Variants in PCDH11Y observed in about 807,000 individuals in gnomAD.
The protein encoded by PCDH11Y is protocadherin-11 Y-linked.
For missense variants in PCDH11Y, 12 were observed against 224.8 expected (o/e 0.05, Z 6.05); for synonymous variants, 9 against 83.6 (o/e 0.11, Z 4.87).
chrY:5,642,122 A>T, intron 4 of PCDH11Y, among the ~76,000 whole-genome samples: 1 of 33,011 alleles, frequency 3.0e-5, no homozygotes, highest in Non-Finnish European at 7.5e-5. Flanking sequence ...CATCACTTGG[A>T]TGAAATGTAT....
chrY:5,063,699 T>C, intron 1 of PCDH11Y, among the ~76,000 whole-genome samples: 1 of 32,837 alleles, frequency 3.0e-5, no homozygotes, highest in Non-Finnish European at 7.5e-5. Context: ...TGCAGGTAGA[T>C]GTCACTGGAG....
intron 4 of PCDH11Y, among the ~76,000 whole-genome samples, chrY:5,603,497 T>C: frequency 3.0e-5 from 1 of 33,218 alleles, no homozygotes; most frequent in Non-Finnish European, 7.4e-5. Flanking sequence ...CTTGCATTTA[T>C]TGTGATGAAG....
At chrY:5,287,960 T>TA (rs2053062407) in intron 2 of PCDH11Y, among the ~76,000 whole-genome samples, 1 of 32,766 alleles carries the variant, frequency 3.1e-5, no homozygotes, top group Admixed American at 2.8e-4. Context: ...AAATAAAAAT[T>TA]AAAAAAATTC....
intron 4 of PCDH11Y, among the ~76,000 whole-genome samples, chrY:5,673,325 AAAG>A (rs2053551194): frequency 4.5e-5 from 1 of 22,420 alleles, no homozygotes; most frequent in African/African-American, 1.8e-4. Flanking sequence ...CTCTATCTGC[AAAG>A]AAGAGTTAAC....
intron 3 of PCDH11Y, among the ~76,000 whole-genome samples, chrY:5,508,676 C>A: frequency 3.0e-5 from 1 of 32,796 alleles, no homozygotes; most frequent in African/African-American, 1.2e-4. Flanking sequence ...TGCGGTAATT[C>A]TTTGTGTAAT....
At chrY:5,737,688 G>T in exon 5 of PCDH11Y, 1 of 399,142 alleles carries the variant, frequency 2.5e-6, no homozygotes, top group South Asian at 3.0e-5. Context: ...TCTGCCACAG[G>T]TTATTGCCCT....
chrY:5,309,939 T>C, intron 2 of PCDH11Y, among the ~76,000 whole-genome samples: 4 of 28,448 alleles, frequency 1.4e-4, no homozygotes, highest in African/African-American at 5.6e-4. Context: ...CATTGGGTCC[T>C]GACTACTCGA....
At chrY:5,671,829 T>G (rs2053549538) in intron 4 of PCDH11Y, among the ~76,000 whole-genome samples, 1 of 32,536 alleles carries the variant, frequency 3.1e-5, no homozygotes, top group Non-Finnish European at 7.6e-5. Context: ...CTTTCAAGTT[T>G]CAGGTGTTAG....
intron 2 of PCDH11Y, among the ~76,000 whole-genome samples, chrY:5,477,053 T>C (rs2053320258): frequency 3.1e-5 from 1 of 32,234 alleles, no homozygotes; most frequent in African/African-American, 1.2e-4. Flanking sequence ...ATTACAGGTG[T>C]GAACCACCAC....
At chrY:5,641,447 A>C (rs2053522944) in intron 4 of PCDH11Y, among the ~76,000 whole-genome samples, 1 of 32,712 alleles carries the variant, frequency 3.1e-5, no homozygotes, top group African/African-American at 1.2e-4. Flanking sequence ...TTGAACACGT[A>C]AGATGCCATT....
intron 2 of PCDH11Y, among the ~76,000 whole-genome samples, chrY:5,373,126 C>CTTT: frequency 1.2e-3 from 1 of 860 alleles, no homozygotes; most frequent in Admixed American, 7.6e-3. Flanking sequence ...CTCCCTCCCT[C>CTTT]CTTTCTTTCT....
chrY:5,694,131 T>C, intron 4 of PCDH11Y, among the ~76,000 whole-genome samples: 1 of 32,762 alleles, frequency 3.1e-5, no homozygotes, highest in Admixed American at 2.8e-4. Context: ...GGAAAAAATG[T>C]CTCAAACATA....
chrY:5,497,807 G>A (rs2053347127), intron 2 of PCDH11Y, among the ~76,000 whole-genome samples: 1 of 33,906 alleles, frequency 2.9e-5, no homozygotes, highest in African/African-American at 1.2e-4. Context: ...AGTAATTCAC[G>A]CAGAGTTGGC....
At chrY:5,489,800 A>G in intron 2 of PCDH11Y, among the ~76,000 whole-genome samples, 2 of 32,695 alleles carry the variant, frequency 6.1e-5, no homozygotes, top group South Asian at 1.3e-3. Context: ...GAGAGTTTTT[A>G]TTTCATAGTT....
chrY:5,226,842 T>C, intron 2 of PCDH11Y, among the ~76,000 whole-genome samples: 1 of 30,035 alleles, frequency 3.3e-5, no homozygotes. Flanking sequence ...TTGGTTACTA[T>C]AGCTTTGTAG....
intron 3 of PCDH11Y, among the ~76,000 whole-genome samples, chrY:5,038,969 C>A (rs2563685): frequency 3.1e-5 from 1 of 32,531 alleles, no homozygotes; most frequent in Non-Finnish European, 7.5e-5. Flanking sequence ...AGATTAGTAC[C>A]GTCCAACAGA....
chrY:5,247,053 T>C (rs2052996917), intron 2 of PCDH11Y, among the ~76,000 whole-genome samples: 1 of 34,032 alleles, frequency 2.9e-5, no homozygotes, highest in Non-Finnish European at 7.4e-5. Context: ...ATCCTAAATA[T>C]ATATGCACCC....
intron 2 of PCDH11Y, among the ~76,000 whole-genome samples, chrY:5,164,464 A>G (rs2052877299): frequency 6.0e-5 from 2 of 33,079 alleles, no homozygotes; most frequent in East Asian, 1.6e-3. Context: ...GTATCTAAAA[A>G]GACAACAGAA....
intron 2 of PCDH11Y, among the ~76,000 whole-genome samples, chrY:5,356,909 A>G: frequency 4.1e-5 from 1 of 24,506 alleles, no homozygotes; most frequent in Non-Finnish European, 9.3e-5. Context: ...AAAAAAGGTC[A>G]GGCGCAGTGG....
Sources: gnomAD v4.1 joint callset for allele counts (sites outside exome capture counted in the v4.1 genomes callset) on GRCh38, gnomAD v4.1.1 for gene constraint, MANE v1.5 for transcripts, NCBI Gene and HGNC (gene_info 2026-07-23, HGNC 2026-07-21) for gene names.